Variants in AGRN observed in about 807,000 individuals in gnomAD.
AGRN encodes agrin proteoglycan.
AGRN carries 106 observed loss-of-function variants against 211.0 expected under a neutral mutation model. The observed-to-expected ratio is 0.50, with a 90% confidence interval of 0.43 to 0.59. The LOEUF (loss-of-function observed/expected upper bound fraction) is 0.59. AGRN is among the 20% of genes least tolerant of loss of function. The pLI is 0.00. For synonymous variants in AGRN, 1,525 were observed against 1,332.5 expected (o/e 1.14, Z -3.15); for missense variants, 3,040 against 2,982.6 (o/e 1.02, Z -0.45).
rs147346337 is a variant in AGRN at position 1,043,288 on chromosome 1, G to A, written c.1434G>A (p.Thr478=). ...GGGTGCAGTGTGCATTTGGGGCGAC[G>A]TGTGCTGTGAAGAACGGGCAGGCAG... ...CLGVQCAFGA[T]CAVKNGQAAC... Residue 478 remains threonine, a synonymous_variant, in exon 8 of 36, where the codon ACG becomes ACA. Transcript: ENST00000379370. 6,546 of 1,611,818 alleles carry A rather than the reference G, an allele frequency of 4.1e-3. 25 individuals carry two copies. The highest frequency in any genetic ancestry group is 4.7e-3 in the Non-Finnish European group (5,500 of 1,179,506).
chr1:1,038,700 TG>T (rs1338773375), intron 3 of AGRN, among the ~76,000 whole-genome samples: 60 of 152,136 alleles, frequency 3.9e-4, no homozygotes, highest in Admixed American at 3.6e-3. Context: ...TCCTTGGCCA[TG>T]GGGTTGGGAC....
chr1:1,041,920 C>T (rs1197225652), intron 6 of AGRN, 36 bp from the exon 7 acceptor site: 2 of 1,607,468 alleles, frequency 1.2e-6, no homozygotes, highest in East Asian at 4.5e-5. Flanking sequence ...GAGGGTGCTC[C>T]AGCCTCTCCG....
chr1:1,020,267 C>T lies in AGRN; in HGVS notation c.95C>T (p.Pro32Leu), dbSNP rs1194105483. ...CTGCCCGGAGCCGGCGGGACATGCC[C>T]GGAGCGCGCGCTGGAGCGGCGCGAG... ...CVLPGAGGTC[P>L]ERALERREEE... Residue 32 changes from proline to leucine, a missense_variant, in exon 1 of 36, where the codon CCG (proline) becomes CTG (leucine). Coordinates refer to ENST00000379370, the MANE Select transcript of AGRN (RefSeq NM_198576.4). 6.8e-6 allele frequency: 10 copies of T among 1,467,866 alleles called. No individual in the cohort carries two copies. Among genetic ancestry groups the T allele is most frequent in the South Asian group, 2.6e-5 (2 of 77,070 alleles). 90.9% of individuals were successfully genotyped at this position (1,467,866 alleles called of 1,614,324 possible).
intron 2 of AGRN, among the ~76,000 whole-genome samples, chr1:1,025,682 G>T (rs994737984): frequency 3.9e-5 from 6 of 152,086 alleles, no homozygotes; most frequent in Non-Finnish European, 8.8e-5. Context: ...TGGGCTCGAG[G>T]CTGCTGCCCC....
At chr1:1,020,579 G>A (rs1205993576) in intron 1 of AGRN, among the ~76,000 whole-genome samples, 2 of 152,040 alleles carry the variant, frequency 1.3e-5, no homozygotes, top group Non-Finnish European at 2.9e-5. Flanking sequence ...GCCGTCCTCC[G>A]CCCGCCGCCG....
At chr1:1,020,467 G>T (rs1202064512) in intron 1 of AGRN, 94 bp downstream of exon 1, 3 of 1,244,332 alleles carry the variant, frequency 2.4e-6, no homozygotes, top group South Asian at 3.1e-5. Context: ...CGGTCGCTCC[G>T]CAGCCCCCGC....
At chr1:1,029,824 C>CGTGTGTGT (rs200416055) in intron 2 of AGRN, among the ~76,000 whole-genome samples, 1 of 63,538 alleles carries the variant, frequency 1.6e-5, no homozygotes, top group Non-Finnish European at 3.1e-5. Flanking sequence ...GTGAGATCAG[C>CGTGTGTGT]GTGTGTGTGT....
At chr1:1,054,109 C>A in intron 34 of AGRN, 132 bp downstream of exon 34, 1 of 999,428 alleles carries the variant, frequency 1.0e-6, no homozygotes, top group Non-Finnish European at 1.5e-6. Flanking sequence ...AGGTCACTGC[C>A]AGTGGGAGGA....
At position 1,051,471 on chromosome 1, in the gene AGRN, C is replaced by G. The variant is rs1645288131; in HGVS notation, c.5389C>G (p.Gln1797Glu). The G allele has an allele frequency of 6.4e-7, 1 of 1,565,530 alleles. No homozygotes were observed. The highest frequency in any genetic ancestry group is 2.3e-5 in the East Asian group (1 of 43,364). Residue 1797 changes from glutamine to glutamate, a missense_variant, in exon 32 of 36, where the codon CAG (glutamine) becomes GAG (glutamate). By Grantham distance (29) the Gln-to-Glu change is conservative (BLOSUM62 2). Transcript: ENST00000379370. ...AIQLVSLGGR[Q>E]LLTPEHVLRQ... ...CCTGCAGGTCTCCCTCGGAGGCCGC[C>G]AGCTGCTGACCCCGGAGCACGTGCT...
In AGRN at chr1:1,046,744, G is replaced by T. The variant is rs1231948664; in HGVS notation, c.3250+9G>T. 1.3e-6 allele frequency: 2 copies of T among 1,579,138 alleles called. No individual in the cohort carries two copies. Among genetic ancestry groups the T allele is most frequent in the African/African-American group, 2.7e-5 (2 of 74,630 alleles). ...TGGGGGTGGCTCTGGGGGTGAGCAG[G>T]GATCAAGGACTTGGGGTGGGTGGGC... On this transcript the variant is annotated intron_variant, in intron 18 of 35. Transcript: ENST00000379370.
Position 1,051,282 on chromosome 1 carries a change from G to A in AGRN, c.5283G>A (p.Glu1761=). ...PVPHTVLNLK[E]PLYVGGAPDF... ...CGCACACCGTCCTCAACCTGAAGGA[G>A]CCGCTCTACGTAGGGGGCGCTCCCG... The change falls in exon 31 of 36, where the codon GAG becomes GAA. Residue 1761 remains glutamate, a synonymous_variant. Coordinates refer to ENST00000379370, the MANE Select transcript of AGRN (RefSeq NM_198576.4). 1 of 1,578,336 alleles carries A rather than the reference G, an allele frequency of 6.3e-7. No homozygotes were observed. The highest frequency in any genetic ancestry group is 8.6e-7 in the Non-Finnish European group (1 of 1,162,956).
At position 1,043,864 on chromosome 1, in the gene AGRN, T is replaced by C. The variant is rs1431826683; in HGVS notation, c.1840T>C (p.Ser614Pro). The C allele has an allele frequency of 6.2e-6, 10 of 1,611,060 alleles. No individual in the cohort carries two copies. Among genetic ancestry groups the C allele is most frequent in the South Asian group, 4.4e-5 (4 of 91,052 alleles). The change falls in exon 10 of 36, where the codon TCC (serine) becomes CCC (proline). Residue 614 changes from serine (S) to proline (P), a missense_variant. Ser to Pro is a moderately conservative substitution (Grantham distance 74). Transcript: ENST00000379370. ...CGTGTGTGCTTTTGGGGCTGTGTGCTCCGCAGGGCAGTGTGTGTGTCCCCG... is the reference window on the plus strand; with the variant it reads ...CGTGTGTGCTTTTGGGGCTGTGTGCCCCGCAGGGCAGTGTGTGTGTCCCCG... ...DAVCAFGAVCSAGQCVCPRCE... is the reference protein window; with the variant it reads ...DAVCAFGAVCPAGQCVCPRCE...
At chr1:1,025,170 C>T (rs1644492529) in intron 2 of AGRN, among the ~76,000 whole-genome samples, 1 of 152,292 alleles carries the variant, frequency 6.6e-6, no homozygotes, top group East Asian at 1.9e-4. Flanking sequence ...TCTGCCCCTG[C>T]CGGGGCCTGG....
At chr1:1,034,430 G>A (rs972356547) in intron 2 of AGRN, 1 of 985,782 alleles carries the variant, frequency 1.0e-6, no homozygotes, top group Non-Finnish European at 1.2e-6. Context: ...GAACTCTGAG[G>A]GCACAGCTGC....
chr1:1,022,630 C>G (rs1644434439), intron 2 of AGRN, among the ~76,000 whole-genome samples, 168 bp downstream of exon 2: 1 of 152,262 alleles, frequency 6.6e-6, no homozygotes, highest in Non-Finnish European at 1.5e-5. Flanking sequence ...CCTGGCTCCC[C>G]AGCTGCATCT....
rs769799307 is a variant in AGRN at position 1,043,409 on chromosome 1, G to T, written c.1555G>T (p.Ala519Ser). The T allele has an allele frequency of 3.1e-6, 5 of 1,608,630 alleles. No homozygotes were observed. In the South Asian group the frequency reaches 4.4e-5, roughly 14 times the overall value. Residue 519 changes from alanine to serine, a missense_variant, in exon 8 of 36, where the codon GCC becomes TCC. Physicochemically the swap from Ala to Ser is moderately conservative, Grantham distance 99 (BLOSUM62 1). Coordinates refer to ENST00000379370, the MANE Select transcript of AGRN (RefSeq NM_198576.4). Reference sequence around the variant, plus strand: ...CAGCGCGTGCGAGCTGGAGGCCACGGCCTGTACCCTCGGGCGGGAGATCCA... The same window carrying T: ...CAGCGCGTGCGAGCTGGAGGCCACGTCCTGTACCCTCGGGCGGGAGATCCA... ...YGSACELEAT[A>S]CTLGREIQVA...
intron 12 of AGRN, among the ~76,000 whole-genome samples, chr1:1,044,781 G>A (rs766879066): frequency 6.6e-6 from 1 of 152,228 alleles, no homozygotes; most frequent in African/African-American, 2.4e-5. Flanking sequence ...TGTGTGATGC[G>A]CGTGCACAGA....
intron 3 of AGRN, among the ~76,000 whole-genome samples, chr1:1,038,285 GGGA>G (rs1210165209): frequency 1.3e-5 from 2 of 152,170 alleles, no homozygotes; most frequent in Admixed American, 1.3e-4. Context: ...GATGGGGATG[GGGA>G]GCCAGTGCTC....
chr1:1,034,716 G>C (rs879701157), intron 2 of AGRN: 10 of 996,196 alleles, frequency 1.0e-5, no homozygotes, highest in Non-Finnish European at 1.2e-5. Context: ...AGGTGGCCGC[G>C]GGCGGGGCGT....
Sources: gnomAD v4.1 joint callset for allele counts (sites outside exome capture counted in the v4.1 genomes callset) on GRCh38, gnomAD v4.1.1 for gene constraint, MANE v1.5 for transcripts, NCBI Gene and HGNC (gene_info 2026-07-23, HGNC 2026-07-21) for gene names.